PGM5: variants seen among roughly 807,000 people sequenced by gnomAD.
PGM5 encodes the protein phosphoglucomutase-like protein 5.
PGM5 carries 23 observed loss-of-function variants against 59.2 expected under a neutral mutation model. The ratio of observed to expected loss-of-function variants is 0.39; its 90% CI spans 0.28 to 0.55. PGM5 has a LOEUF of 0.55. PGM5 is among the 20% of genes least tolerant of loss of function. The pLI, the probability that PGM5 is intolerant of heterozygous loss-of-function variation, is 0.66. For synonymous variants in PGM5, 214 were observed against 286.0 expected (o/e 0.75, Z 2.54); for missense variants, 574 against 748.3 (o/e 0.77, Z 2.72).
At chr9:68,466,124 C>T (rs1554685783) in intron 7 of PGM5, 1 of 1,294,330 alleles carries the variant, frequency 7.7e-7, no homozygotes, top group African/African-American at 1.5e-5. Context: ...ATTCATTTTT[C>T]TGATTTATTT....
chr9:68,503,832 T>C (rs1324401770), intron 10 of PGM5, among the ~76,000 whole-genome samples: 1 of 152,198 alleles, frequency 6.6e-6, no homozygotes, highest in Non-Finnish European at 1.5e-5. Context: ...TCTACTTTAA[T>C]TGTTTTGAGG....
chr9:68,509,187 C>T (rs1240816403), intron 10 of PGM5, among the ~76,000 whole-genome samples: 2 of 152,168 alleles, frequency 1.3e-5, no homozygotes, highest in African/African-American at 4.8e-5. Flanking sequence ...AACTCCTGTT[C>T]AAGATGCAGG....
intron 6 of PGM5, chr9:68,400,586 T>C (rs2639593): frequency 7.9e-5 from 12 of 152,790 alleles, no homozygotes; most frequent in African/African-American, 2.6e-4. Flanking sequence ...TTTTGACTTT[T>C]TTACAAAGAG....
intron 2 of PGM5, among the ~76,000 whole-genome samples, chr9:68,380,162 A>G (rs1475444460): frequency 6.6e-6 from 1 of 152,036 alleles, no homozygotes; most frequent in African/African-American, 2.4e-5. Flanking sequence ...TCTAGCATAC[A>G]TAGAACATTC....
chr9:68,479,960 G>C (rs1303381487), intron 8 of PGM5, among the ~76,000 whole-genome samples: 1 of 150,910 alleles, frequency 6.6e-6, no homozygotes, highest in Non-Finnish European at 1.5e-5. Context: ...CTTCCCAGAA[G>C]ATCTGAGGAA....
intron 6 of PGM5, chr9:68,405,385 A>G (rs1822778111): frequency 6.6e-6 from 1 of 152,606 alleles, no homozygotes; most frequent in South Asian, 2.1e-4. Context: ...ATTGATGGCA[A>G]AGGGGTATGA....
chr9:68,504,129 C>A (rs544006342), intron 10 of PGM5, among the ~76,000 whole-genome samples: 1 of 152,306 alleles, frequency 6.6e-6, no homozygotes, highest in South Asian at 2.1e-4. Context: ...TTTTTAATAC[C>A]ATTCCACACA....
At chr9:68,504,984 A>G (rs1554688914) in intron 10 of PGM5, among the ~76,000 whole-genome samples, 1 of 152,228 alleles carries the variant, frequency 6.6e-6, no homozygotes, top group Admixed American at 6.5e-5. Flanking sequence ...GAGGTCTTGA[A>G]TAAAATAAAT....
chr9:68,369,507 C>T (rs771684824), intron 1 of PGM5, among the ~76,000 whole-genome samples: 1 of 152,128 alleles, frequency 6.6e-6, no homozygotes, highest in Non-Finnish European at 1.5e-5. Context: ...GATTTCAGAG[C>T]ACTTCCTATG....
chr9:68,492,665 G>A (rs548306434), intron 9 of PGM5, among the ~76,000 whole-genome samples: 1 of 152,254 alleles, frequency 6.6e-6, no homozygotes, highest in Non-Finnish European at 1.5e-5. Context: ...GGGGTAGAGG[G>A]GGGCACCTGT....
chr9:68,380,139 A>G (rs2131995351), intron 2 of PGM5, among the ~76,000 whole-genome samples: 1 of 152,054 alleles, frequency 6.6e-6, no homozygotes, highest in East Asian at 1.9e-4. Flanking sequence ...CAACAGCAGA[A>G]TATACATTCT....
chr9:68,476,424 C>G (rs1482847366), intron 7 of PGM5, among the ~76,000 whole-genome samples: 1 of 152,168 alleles, frequency 6.6e-6, no homozygotes, highest in Non-Finnish European at 1.5e-5. Context: ...AACATTTCTA[C>G]TCCCATTTTT....
intron 7 of PGM5, chr9:68,466,128 T>A (rs1554685784): frequency 7.7e-7 from 1 of 1,296,084 alleles, no homozygotes; most frequent in Non-Finnish European, 1.0e-6. Context: ...ATTTTTCTGA[T>A]TTATTTCTCC....
At chr9:68,529,176 T>C in intron 10 of PGM5, among the ~76,000 whole-genome samples, 1 of 150,130 alleles carries the variant, frequency 6.7e-6, no homozygotes, top group African/African-American at 2.4e-5. Context: ...TGTGTGTGTG[T>C]GTGTGTGTGT....
At chr9:68,483,841 C>T (rs372446112) in intron 8 of PGM5, 24 bp from the exon 9 acceptor site, 22 of 1,609,846 alleles carry the variant, frequency 1.4e-5, no homozygotes, top group Non-Finnish European at 1.7e-5. Flanking sequence ...GATTAGGTTT[C>T]TGTTCCTCCT....
rs141373703 is a variant in PGM5, at chr9:68,495,656, G to C, written c.1480-3571G>C. Among the ~76,000 whole-genome samples, 14 of 152,340 alleles carry C rather than the reference G, an allele frequency of 9.2e-5. No individual in the cohort carries two copies. In the East Asian group the frequency reaches 2.7e-3, roughly 29 times the overall value. ...TTTAATAAATTCATTTATGTTAGGA[G>C]TAGGTGGTGAGAGGTAAGTTGATTT... On this transcript the variant is annotated intron_variant, in intron 9 of 10. Coordinates refer to ENST00000396396, the MANE Select transcript of PGM5 (RefSeq NM_021965.4).
intron 9 of PGM5, among the ~76,000 whole-genome samples, chr9:68,487,218 A>G (rs1362185719): frequency 6.6e-6 from 1 of 152,150 alleles, no homozygotes; most frequent in Non-Finnish European, 1.5e-5. Context: ...GATTTTAGGC[A>G]TATTATTTAA....
At chr9:68,381,293 G>C (rs1554678288) in intron 2 of PGM5, among the ~76,000 whole-genome samples, 1 of 150,364 alleles carries the variant, frequency 6.7e-6, no homozygotes, top group Non-Finnish European at 1.5e-5. Flanking sequence ...ATCTCAACTG[G>C]TGCAGGAAAG....
intron 6 of PGM5, among the ~76,000 whole-genome samples, chr9:68,449,162 G>C (rs1291283949): frequency 6.6e-6 from 1 of 152,174 alleles, no homozygotes; most frequent in Non-Finnish European, 1.5e-5. Flanking sequence ...CCATTTATGA[G>C]GGCTTCACCT....
Sources: allele counts gnomAD v4.1 joint callset (sites outside exome capture counted in the v4.1 genomes callset), GRCh38; gene constraint gnomAD v4.1.1; transcripts MANE v1.5; gene names NCBI Gene and HGNC (gene_info 2026-07-23, HGNC 2026-07-21).